CBLB: variants seen among roughly 807,000 people sequenced by gnomAD.
The protein encoded by CBLB is E3 ubiquitin-protein ligase CBL-B.
A neutral mutation model predicts 104.9 loss-of-function variants in CBLB; 31 were observed. The observed-to-expected ratio is 0.30, with a 90% CI of 0.22 to 0.40. The LOEUF is 0.40. CBLB is among the 10% of genes least tolerant of loss of function. The pLI, the probability that CBLB is intolerant of heterozygous loss-of-function variation, is 1.00. For missense variants in CBLB, 1,062 were observed against 1,214.6 expected, an observed-to-expected ratio of 0.87 and a Z score of 1.87; for synonymous variants, 440 against 422.6, an observed-to-expected ratio of 1.04 and a Z score of -0.51.
chr3:105,852,769 G>A (rs1370284975), intron 3 of CBLB, among the ~76,000 whole-genome samples: 1 of 151,780 alleles, frequency 6.6e-6, no homozygotes, highest in African/African-American at 2.4e-5. Flanking sequence ...CCAGGCTGGA[G>A]TGCAATGGCA....
chr3:105,665,901 C>T (rs930864647), intron 18 of CBLB, among the ~76,000 whole-genome samples: 2 of 151,040 alleles, frequency 1.3e-5, no homozygotes, highest in Admixed American at 6.6e-5. Flanking sequence ...TGGTGGTGGG[C>T]GCCTGTAGTC....
At chr3:105,692,291 G>C (rs138212979) in intron 13 of CBLB, among the ~76,000 whole-genome samples, 57 of 152,300 alleles carry the variant, frequency 3.7e-4, no homozygotes, top group East Asian at 2.1e-3. Flanking sequence ...ATGGGAGATA[G>C]AGAACACAAA....
chr3:105,838,564 A>C (rs140030429), intron 3 of CBLB, among the ~76,000 whole-genome samples: 14 of 152,222 alleles, frequency 9.2e-5, no homozygotes, highest in Non-Finnish European at 1.8e-4. Flanking sequence ...GCAAAGGTAA[A>C]TTCCAAGGAT....
chr3:105,767,744 T>G (rs142901113), intron 4 of CBLB, among the ~76,000 whole-genome samples: 2 of 152,122 alleles, frequency 1.3e-5, no homozygotes, highest in Non-Finnish European at 2.9e-5. Flanking sequence ...ACAGGTAAGG[T>G]TTAGCTATTT....
intron 1 of CBLB, 56 bp downstream of exon 1, chr3:105,868,680 G>A: frequency 1.0e-6 from 1 of 992,386 alleles, no homozygotes; most frequent in Non-Finnish European, 1.2e-6. Context: ...GGCTACCCCG[G>A]GCCCCCGGGC....
At chr3:105,805,375 G>A (rs1241810126) in intron 3 of CBLB, among the ~76,000 whole-genome samples, 2 of 149,880 alleles carry the variant, frequency 1.3e-5, no homozygotes, top group African/African-American at 4.9e-5. Context: ...CATGATCTCA[G>A]CTCACTGCAA....
rs2063448252 is a variant in CBLB at position 105,657,809 on chromosome 3, CAG to C, written c.*1159_*1160del. On this transcript the variant is annotated 3_prime_UTR_variant, in exon 19 of 19. Transcript: ENST00000394030. Reference sequence around the variant, plus strand: ...TTAAATATGAACTCTAATTTGATTGCAGAGAGAAAATTACTGAGAACTTTGCA... The same window carrying C: ...TTAAATATGAACTCTAATTTGATTGCAGAGAAAATTACTGAGAACTTTGCA... 1 of 206,224 alleles carries C rather than the reference CAG, an allele frequency of 4.8e-6. No homozygotes were observed. The highest frequency in any genetic ancestry group is 7.4e-5 in the East Asian group (1 of 13,480). The allele number at this position is 206,224 out of a possible 1,614,324, so 12.8% of individuals were successfully genotyped here.
chr3:105,753,558 C>T (rs1473589703), intron 4 of CBLB, among the ~76,000 whole-genome samples: 2 of 151,792 alleles, frequency 1.3e-5, no homozygotes, highest in South Asian at 2.1e-4. Flanking sequence ...GATCATGATA[C>T]TCAGAGTAAA....
chr3:105,665,767 A>G (rs2064376475), intron 18 of CBLB, among the ~76,000 whole-genome samples: 1 of 151,234 alleles, frequency 6.6e-6, no homozygotes, highest in Admixed American at 6.6e-5. Context: ...GTGGTGACTC[A>G]TGCCTGTAAT....
chr3:105,786,681 C>T (rs2081066416), intron 3 of CBLB, among the ~76,000 whole-genome samples: 2 of 152,144 alleles, frequency 1.3e-5, no homozygotes, highest in Admixed American at 1.3e-4. Context: ...AATCCACAGT[C>T]TAAAATTGCT....
intron 6 of CBLB, among the ~76,000 whole-genome samples, chr3:105,744,452 T>C (rs1383485451): frequency 6.6e-6 from 1 of 152,206 alleles, no homozygotes; most frequent in African/African-American, 2.4e-5. Flanking sequence ...TGACCTTCTC[T>C]CATGGTTACA....
chr3:105,684,118 G>A (rs1483293521), intron 14 of CBLB, among the ~76,000 whole-genome samples: 2 of 152,198 alleles, frequency 1.3e-5, no homozygotes, highest in South Asian at 2.1e-4. Context: ...GGCACACTAA[G>A]TAAAGATGGC....
In CBLB at chr3:105,759,196, C is replaced by T. The variant is rs1200881698; in HGVS notation, c.567-7578G>A. On this transcript the variant is annotated intron_variant, in intron 4 of 18. Coordinates refer to ENST00000394030, the MANE Select transcript of CBLB (RefSeq NM_170662.5). ...AGTCAAAGAGACTCAAATTGGGTAG[C>T]TTCTTCCTGTAGCTGGTAGTCTGAT... is the stretch of plus-strand genomic sequence containing the variant. 2.5e-4 allele frequency among the ~76,000 whole-genome samples: 38 copies of T among 152,182 alleles called. 1 individual carries two copies. Among genetic ancestry groups the T allele is most frequent in the Non-Finnish European group, 8.8e-5 (6 of 68,028 alleles).
chr3:105,741,449 G>A (rs1459981487), intron 6 of CBLB, among the ~76,000 whole-genome samples: 1 of 152,114 alleles, frequency 6.6e-6, no homozygotes, highest in Non-Finnish European at 1.5e-5. Context: ...ATGCTGGAGT[G>A]CAGTGGCGCA....
At chr3:105,816,494 A>G (rs1394961030) in intron 3 of CBLB, among the ~76,000 whole-genome samples, 1 of 152,214 alleles carries the variant, frequency 6.6e-6, no homozygotes, top group East Asian at 1.9e-4. Flanking sequence ...AGGTACATTA[A>G]CAGAACTCTC....
chr3:105,702,883 A>C (rs1052431320), intron 11 of CBLB, among the ~76,000 whole-genome samples: 2 of 152,152 alleles, frequency 1.3e-5, no homozygotes, highest in Admixed American at 1.3e-4. Context: ...TATTTGTAAT[A>C]TTTTTAGAAG....
Position 105,737,196 on chromosome 3 carries a change from G to A in CBLB, c.1046C>T (p.Pro349Leu). The change falls in exon 8 of 19, where the codon CCT (proline) becomes CTT (leucine). Residue 349 changes from proline (P) to leucine (L), a missense_variant. By Grantham distance (98) the Pro-to-Leu change is moderately conservative. Transcript: ENST00000394030. Reference sequence around the variant, plus strand: ...CTGTGTAACTTTTATATGGTCATGAGGTGTAGGTTCACATAATCCAGTTAA... The same window carrying A: ...CTGTGTAACTTTTATATGGTCATGAAGTGTAGGTTCACATAATCCAGTTAA... ...PDLTGLCEPT[P>L]HDHIKVTQEQ... is the part of the protein sequence containing the mutation. 1 of 1,586,632 alleles carries A rather than the reference G, an allele frequency of 6.3e-7. No individual in the cohort carries two copies. Among genetic ancestry groups the A allele is most frequent in the Middle Eastern group, 1.7e-4 (1 of 5,986 alleles).
chr3:105,680,925 T>A (rs1349242641), intron 16 of CBLB: 1 of 158,800 alleles, frequency 6.3e-6, no homozygotes, highest in African/African-American at 2.4e-5. Context: ...CCTTCACCTG[T>A]GGATACAAAC....
intron 17 of CBLB, among the ~76,000 whole-genome samples, chr3:105,678,109 C>T (rs2065870655): frequency 6.6e-6 from 1 of 152,076 alleles, no homozygotes; most frequent in African/African-American, 2.4e-5. Context: ...ATATTGTTCC[C>T]ATTACTATTA....
Sources: gnomAD v4.1 joint callset for allele counts (sites outside exome capture counted in the v4.1 genomes callset) on GRCh38, gnomAD v4.1.1 for gene constraint, MANE v1.5 for transcripts, NCBI Gene and HGNC (gene_info 2026-07-23, HGNC 2026-07-21) for gene names.